The following TTC7B variants were observed in gnomAD, a reference collection of about 807,000 sequenced individuals.
The protein encoded by TTC7B is tetratricopeptide repeat domain 7B.
Under a neutral mutation model 106.8 loss-of-function variants are expected in TTC7B, and 28 were observed. The observed-to-expected ratio is 0.26, with a 90% CI of 0.19 to 0.36. TTC7B has a LOEUF of 0.36. TTC7B is among the 10% of genes least tolerant of loss of function. The pLI is 1.00. For missense variants in TTC7B, 862 were observed against 1,076.4 expected (o/e 0.80, Z 2.79); for synonymous variants, 405 against 430.6 (o/e 0.94, Z 0.74).
chr14:90,677,046 C>A (rs796903010), intron 8 of TTC7B, among the ~76,000 whole-genome samples: 1 of 152,206 alleles, frequency 6.6e-6, no homozygotes, highest in Non-Finnish European at 1.5e-5. Context: ...GCACCTCACT[C>A]GTGAATCCTG....
intron 19 of TTC7B, among the ~76,000 whole-genome samples, chr14:90,566,759 C>A (rs1408985662): frequency 6.6e-6 from 1 of 152,170 alleles, no homozygotes; most frequent in African/African-American, 2.4e-5. Flanking sequence ...GCCCTGGAAC[C>A]CTGGCAGAGG....
chr14:90,767,836 AG>A (rs992899612), intron 3 of TTC7B, among the ~76,000 whole-genome samples: 4 of 152,220 alleles, frequency 2.6e-5, no homozygotes, highest in African/African-American at 9.6e-5. Flanking sequence ...AGGGAGAGAA[AG>A]GAGCAGAGAG....
At chr14:90,716,077 G>A (rs1169051474) in intron 5 of TTC7B, among the ~76,000 whole-genome samples, 1 of 152,184 alleles carries the variant, frequency 6.6e-6, no homozygotes, top group Admixed American at 6.5e-5. Flanking sequence ...AGGGACCACT[G>A]CAACTGGGTC....
intron 5 of TTC7B, among the ~76,000 whole-genome samples, chr14:90,722,273 C>G (rs1888926301): frequency 6.6e-6 from 1 of 152,214 alleles, no homozygotes; most frequent in African/African-American, 2.4e-5. Flanking sequence ...TCCCTCCCTC[C>G]ATCATCCCCA....
intron 2 of TTC7B, among the ~76,000 whole-genome samples, 163 bp downstream of exon 2, chr14:90,786,011 A>T (rs1891374068): frequency 6.6e-6 from 1 of 152,170 alleles, no homozygotes; most frequent in Non-Finnish European, 1.5e-5. Context: ...GCCAGCCTAG[A>T]GATTGGCACA....
intron 1 of TTC7B, among the ~76,000 whole-genome samples, chr14:90,798,534 A>T (rs1252367775): frequency 6.6e-6 from 1 of 152,008 alleles, no homozygotes; most frequent in Non-Finnish European, 1.5e-5. Context: ...AACATGGCAA[A>T]ACCCCGTTTC....
chr14:90,665,823 C>G (rs1197699297), intron 9 of TTC7B, among the ~76,000 whole-genome samples: 1 of 152,224 alleles, frequency 6.6e-6, no homozygotes. Context: ...TCTTCCACAT[C>G]GTGTATACTT....
At chr14:90,710,930 G>GGCT (rs140167314) in intron 5 of TTC7B, among the ~76,000 whole-genome samples, 50,348 of 151,706 alleles carry the variant, frequency 0.33, 8,609 homozygotes, top group Middle Eastern at 0.38. Context: ...CTCTGAGGTA[G>GGCT]GTATTCAAAC....
chr14:90,611,910 G>A (rs1892891309), intron 16 of TTC7B, among the ~76,000 whole-genome samples: 1 of 152,152 alleles, frequency 6.6e-6, no homozygotes, highest in Admixed American at 6.5e-5. Flanking sequence ...AATCTTCAAT[G>A]CTTTTCTTTG....
At chr14:90,693,913 G>A (rs192617239) in intron 6 of TTC7B, among the ~76,000 whole-genome samples, 32 of 152,244 alleles carry the variant, frequency 2.1e-4, no homozygotes, top group African/African-American at 3.4e-4. Flanking sequence ...ATGAATGTTC[G>A]TAGCAGCATT....
chr14:90,615,018 G>A lies in TTC7B; in HGVS notation c.1868+2911C>T, dbSNP rs540895556. Among the ~76,000 whole-genome samples the A allele has an allele frequency of 7.2e-5, 11 of 152,302 alleles. No individual in the cohort carries two copies. The South Asian group carries it at 1.5e-3, about 20-fold the overall frequency. The stretch of plus-strand genomic sequence containing the variant: ...CTAAATGCAAGCAAAACTGCAGACC[G>A]AGAGAAATAGAATCCAGGCTTCTGA... On this transcript the variant is annotated intron_variant, in intron 16 of 19. Coordinates refer to ENST00000328459, the MANE Select transcript of TTC7B (RefSeq NM_001010854.2).
intron 3 of TTC7B, among the ~76,000 whole-genome samples, chr14:90,749,218 T>C (rs1012537151): frequency 6.6e-6 from 1 of 152,162 alleles, no homozygotes; most frequent in Non-Finnish European, 1.5e-5. Flanking sequence ...TTGGGCTTTG[T>C]TGAGCTTCCT....
chr14:90,714,552 G>A (rs1244482499), intron 5 of TTC7B, among the ~76,000 whole-genome samples: 2 of 151,696 alleles, frequency 1.3e-5, no homozygotes, highest in African/African-American at 4.8e-5. Flanking sequence ...TACCTCCCGG[G>A]TTCAAGAGAT....
chr14:90,766,139 T>G (rs1309595630), intron 3 of TTC7B, among the ~76,000 whole-genome samples: 1 of 151,058 alleles, frequency 6.6e-6, no homozygotes, highest in Non-Finnish European at 1.5e-5. Context: ...TACAACGTTT[T>G]TTTTTTTTTT....
At position 90,657,378 on chromosome 14, in the gene TTC7B, TG is replaced by T; in HGVS notation, c.1237-101del. On this transcript the variant is annotated intron_variant, in intron 10 of 19. Coordinates refer to ENST00000328459, the MANE Select transcript of TTC7B (RefSeq NM_001010854.2). This position sits in a 1 kb window ranked among gnomAD's most constrained non-coding sequence, Gnocchi z 4.2. Reference sequence around the variant, plus strand: ...GTTTTTGGTCAGGGTGACCTCCTCGTGGGCTTGTCCAACTTTAAGCCCAAGC... The same window carrying T: ...GTTTTTGGTCAGGGTGACCTCCTCGTGGCTTGTCCAACTTTAAGCCCAAGC... 1 of 1,135,590 alleles carries T rather than the reference TG, an allele frequency of 8.8e-7. No individual in the cohort carries two copies. Among genetic ancestry groups the T allele is most frequent in the Non-Finnish European group, 1.3e-6 (1 of 799,102 alleles). The allele number at this position is 1,135,590 out of a possible 1,614,324, so 70.3% of individuals were successfully genotyped here. A position where few individuals can be genotyped will look rare whatever the true frequency, so the allele number is the denominator to read the frequency against.
intron 12 of TTC7B, among the ~76,000 whole-genome samples, chr14:90,653,797 C>T (rs1885833261): frequency 1.3e-5 from 2 of 152,066 alleles, no homozygotes; most frequent in Non-Finnish European, 2.9e-5. Flanking sequence ...AGAAAGGACC[C>T]AACTGACCCA....
At chr14:90,639,661 G>C (rs955229516) in intron 15 of TTC7B, among the ~76,000 whole-genome samples, 3 of 152,104 alleles carry the variant, frequency 2.0e-5, no homozygotes, top group Non-Finnish European at 4.4e-5. Flanking sequence ...CAAATCCTAC[G>C]ACCTAACTAT....
intron 15 of TTC7B, among the ~76,000 whole-genome samples, chr14:90,633,978 G>A (rs1461997930): frequency 1.3e-5 from 2 of 151,966 alleles, no homozygotes; most frequent in Non-Finnish European, 2.9e-5. Flanking sequence ...AGGTTCAAGT[G>A]ATTCTCCTGC....
chr14:90,747,880 T>C (rs1481058649), intron 3 of TTC7B, among the ~76,000 whole-genome samples: 3 of 152,244 alleles, frequency 2.0e-5, no homozygotes, highest in Admixed American at 1.3e-4. Flanking sequence ...AAAACCTGCT[T>C]CGTCTGATAT....
Sources: gnomAD v4.1 joint callset for allele counts (sites outside exome capture counted in the v4.1 genomes callset) on GRCh38, gnomAD v4.1.1 for gene constraint, Gnocchi (gnomAD v3.1) non-coding constraint, MANE v1.5 for transcripts, NCBI Gene and HGNC (gene_info 2026-07-23, HGNC 2026-07-21) for gene names.